TCF25: variants seen among roughly 807,000 people sequenced by gnomAD.
The protein encoded by TCF25 is ribosome quality control complex subunit TCF25.
In TCF25, 41 loss-of-function variants were observed where a neutral mutation model predicts 83.1. That is an observed-to-expected ratio of 0.49 (90% confidence interval 0.38 to 0.64). The LOEUF is 0.64. Among genes scored for constraint, TCF25 ranks in the 30% least tolerant of loss-of-function variants. The pLI, the probability that TCF25 is intolerant of heterozygous loss-of-function variation, is 0.00. For missense variants in TCF25, 979 were observed against 914.5 expected (o/e 1.07, Z -0.91); for synonymous variants, 458 against 365.0 (o/e 1.25, Z -2.90).
At chr16:89,907,609 C>G (rs1597387417) in intron 16 of TCF25, among the ~76,000 whole-genome samples, 1 of 145,930 alleles carries the variant, frequency 6.9e-6, no homozygotes. Flanking sequence ...CCTCCCAGCT[C>G]CCACCTCCCA....
In TCF25 at chr16:89,884,577, A is replaced by G. The variant is rs781526809; in HGVS notation, c.355-5A>G. On this transcript the variant is annotated splice_polypyrimidine_tract_variant and splice_region_variant and intron_variant, in intron 2 of 17. Coordinates refer to ENST00000263346, the MANE Select transcript of TCF25 (RefSeq NM_014972.3). ...CTACTGATGAAAATGTGTTTCTATCATTAGTCTCATGCAAGTGGCAAACTC... is the reference window on the plus strand; with the variant it reads ...CTACTGATGAAAATGTGTTTCTATCGTTAGTCTCATGCAAGTGGCAAACTC... 1.2e-6 allele frequency: 2 copies of G among 1,613,356 alleles called. No individual in the cohort carries two copies. The highest frequency in any genetic ancestry group is 1.7e-5 in the Admixed American group (1 of 59,912).
chr16:89,876,533 G>C (rs1221306378), intron 1 of TCF25, among the ~76,000 whole-genome samples: 2 of 152,150 alleles, frequency 1.3e-5, no homozygotes, highest in Non-Finnish European at 2.9e-5. Context: ...CAAAGTGCTG[G>C]AATTGCAGCT....
chr16:89,910,581 T>C lies in TCF25; in HGVS notation c.1800-10T>C, dbSNP rs1227747029. The stretch of plus-strand genomic sequence containing the variant: ...AGTGTCGTTTCTGACTTTTCTTGAC[T>C]TTCTTTCAGGCTAAGTCCTATCAGC... On this transcript the variant is annotated splice_polypyrimidine_tract_variant and intron_variant, in intron 16 of 17. Transcript: ENST00000263346. The C allele has an allele frequency of 2.5e-6, 4 of 1,613,410 alleles. No individual in the cohort carries two copies. The highest frequency in any genetic ancestry group is 3.4e-6 in the Non-Finnish European group (4 of 1,179,824).
At chr16:89,902,698 G>GAA (rs1197265214) in intron 12 of TCF25, among the ~76,000 whole-genome samples, 2 of 102,902 alleles carry the variant, frequency 1.9e-5, no homozygotes, top group Admixed American at 1.9e-4. Context: ...CAAAAAAAAA[G>GAA]AAAAAAAAAA....
At chr16:89,907,676 C>CCTCCCAG (rs150780206) in intron 16 of TCF25, among the ~76,000 whole-genome samples, 1,647 of 70,452 alleles carry the variant, frequency 0.023, 161 homozygotes, top group East Asian at 0.07. Flanking sequence ...CCTCCTCCCA[C>CCTCCCAG]CTCCCACCTC....
chr16:89,875,970 T>A lies in TCF25; in HGVS notation c.192+2111T>A, dbSNP rs570666358. ...GGGACTACAGCATACCCTACCATGC[T>A]CAGCTTGTTCTTTTAATGCTTTTTT... On this transcript the variant is annotated intron_variant, in intron 1 of 17. Coordinates refer to ENST00000263346, the MANE Select transcript of TCF25 (RefSeq NM_014972.3). 1.1e-4 allele frequency among the ~76,000 whole-genome samples: 16 copies of A among 151,786 alleles called. No individual in the cohort carries two copies. The South Asian group carries it at 2.7e-3, about 26-fold the overall frequency.
In TCF25 at chr16:89,900,696, T is replaced by G; in HGVS notation, c.1283T>G (p.Leu428Arg). The G allele has an allele frequency of 1.9e-6, 3 of 1,606,394 alleles. No homozygotes were observed. Among genetic ancestry groups the G allele is most frequent in the Non-Finnish European group, 2.6e-6 (3 of 1,173,478 alleles). Residue 428 changes from leucine (L) to arginine (R), a missense_variant, in exon 12 of 18, where the codon CTG becomes CGG. Coordinates refer to ENST00000263346, the MANE Select transcript of TCF25 (RefSeq NM_014972.3). ...TTCTCTGTTCCACTGGCGTATTTCC[T>G]GCTGAGCCAGCAGACAGACCTCCCT... ...FAFSVPLAYF[L>R]LSQQTDLPEC...
intron 1 of TCF25, chr16:89,878,551 A>G: frequency 8.2e-7 from 1 of 1,223,388 alleles, no homozygotes; most frequent in Non-Finnish European, 1.0e-6. Flanking sequence ...ATCCTAAAGA[A>G]GATCAGTCGT....
chr16:89,883,057 T>C (rs1258763327), intron 1 of TCF25, among the ~76,000 whole-genome samples: 1 of 152,190 alleles, frequency 6.6e-6, no homozygotes, highest in Non-Finnish European at 1.5e-5. Flanking sequence ...CCTCTGTAAA[T>C]GGAGTAAATT....
chr16:89,907,985 C>A (rs1302105345), intron 16 of TCF25, among the ~76,000 whole-genome samples: 1 of 135,744 alleles, frequency 7.4e-6, no homozygotes, highest in African/African-American at 2.9e-5. Flanking sequence ...CCTCCCAGCT[C>A]CCGCCTCCCA....
chr16:89,910,693 C>T, intron 17 of TCF25, 30 bp downstream of exon 17: 3 of 1,608,530 alleles, frequency 1.9e-6, no homozygotes, highest in Non-Finnish European at 2.6e-6. Flanking sequence ...GCCCCTGCCT[C>T]CCCAGTGGGT....
intron 8 of TCF25, among the ~76,000 whole-genome samples, chr16:89,895,567 C>G (rs112179833): frequency 1.3e-5 from 2 of 152,318 alleles, no homozygotes; most frequent in Admixed American, 6.5e-5. Context: ...TCGATCAGAA[C>G]GTCGTTCGTT....
chr16:89,887,362 T>C (rs574124984), intron 4 of TCF25, among the ~76,000 whole-genome samples: 1 of 150,604 alleles, frequency 6.6e-6, no homozygotes, highest in South Asian at 2.1e-4. Context: ...CCAGGGTGCG[T>C]GCACTGCCCC....
At chr16:89,900,514 G>A (rs969625593) in intron 11 of TCF25, 121 bp from the exon 12 acceptor site, 10 of 1,177,440 alleles carry the variant, frequency 8.5e-6, no homozygotes, top group African/African-American at 3.0e-5. Flanking sequence ...AGGCCCTTGC[G>A]TTGCCTGCAG....
In TCF25 at chr16:89,911,302, C is replaced by A; in HGVS notation, c.*64C>A. ...TCCCGATTTCTCTGTTGGTCGGAGTCGGCCAGTTGCCTGAAGTAGGGAAGC... is the reference window on the plus strand; with the variant it reads ...TCCCGATTTCTCTGTTGGTCGGAGTAGGCCAGTTGCCTGAAGTAGGGAAGC... On this transcript the variant is annotated 3_prime_UTR_variant, in exon 18 of 18. Coordinates refer to ENST00000263346, the MANE Select transcript of TCF25 (RefSeq NM_014972.3). The A allele has an allele frequency of 1.3e-6, 2 of 1,590,774 alleles. No homozygotes were observed. The highest frequency in any genetic ancestry group is 2.2e-5 in the South Asian group (2 of 89,658).
rs1233047402 is a variant in TCF25 at position 89,885,040 on chromosome 16, ACGCCCCTCTCCCTC to A, written c.429+385_429+398del. On this transcript the variant is annotated intron_variant, in intron 3 of 17. Transcript: ENST00000263346. ...GCCTGACGCCCTCTCCCTCTGCCTG[ACGCCCCTCTCCCTC>A]TGCCTGACGCCCTCTCCCTCTGCCT... is the stretch of plus-strand genomic sequence containing the variant. Among the ~76,000 whole-genome samples the A allele has an allele frequency of 6.7e-5, 6 of 89,298 alleles. 1 individual carries two copies. Among genetic ancestry groups the A allele is most frequent in the African/African-American group, 1.3e-4 (3 of 22,802 alleles). 58.6% of individuals were successfully genotyped at this position (89,298 alleles called of 152,430 possible).
chr16:89,907,952 C>T (rs1352344366), intron 16 of TCF25, among the ~76,000 whole-genome samples: 4 of 139,422 alleles, frequency 2.9e-5, no homozygotes, highest in Non-Finnish European at 6.2e-5. Flanking sequence ...TCCCACCTCC[C>T]TCCTCCCGCC....
At chr16:89,897,526 G>A (rs2043956302) in intron 9 of TCF25, among the ~76,000 whole-genome samples, 1 of 152,268 alleles carries the variant, frequency 6.6e-6, no homozygotes. Flanking sequence ...TGTCTGCACT[G>A]TGTGCTGGGT....
At chr16:89,874,001 C>T in intron 1 of TCF25, 142 bp downstream of exon 1, 2 of 517,066 alleles carry the variant, frequency 3.9e-6, no homozygotes, top group Non-Finnish European at 5.1e-6. Flanking sequence ...GTGGGGAGGG[C>T]GGGGCCGTGC....
Sources: allele counts gnomAD v4.1 joint callset (sites outside exome capture counted in the v4.1 genomes callset), GRCh38; gene constraint gnomAD v4.1.1; transcripts MANE v1.5; gene names NCBI Gene and HGNC (gene_info 2026-07-23, HGNC 2026-07-21).